PSMD11: variants seen among roughly 807,000 people sequenced by gnomAD.
The protein encoded by PSMD11 is proteasome 26S subunit, non-ATPase 11.
In PSMD11, 5 loss-of-function variants were observed where a neutral mutation model predicts 62.3. The ratio of observed to expected loss-of-function variants is 0.08; its 90% confidence interval spans 0.04 to 0.17. PSMD11 has a LOEUF of 0.17. PSMD11 is among the 10% of genes least tolerant of loss of function. The probability of loss-of-function intolerance (pLI) is 1.00; values close to 1 mark genes in which losing one functional copy is unlikely to be tolerated. For missense variants in PSMD11, 310 were observed against 512.9 expected, an observed-to-expected ratio of 0.60 and a Z score of 3.82; for synonymous variants, 191 against 191.8, an observed-to-expected ratio of 1.00 and a Z score of 0.03.
intron 6 of PSMD11, among the ~76,000 whole-genome samples, chr17:32,470,374 G>A (rs912341829): frequency 4.0e-5 from 6 of 151,422 alleles, no homozygotes; most frequent in East Asian, 1.9e-4. Flanking sequence ...ATGCAGTGGC[G>A]CAATCTTGGC....
intron 9 of PSMD11, 151 bp downstream of exon 9, chr17:32,477,734 A>C (rs1908370764): frequency 1.9e-6 from 1 of 523,356 alleles, no homozygotes; most frequent in Non-Finnish European, 3.2e-6. Context: ...AAAACCAGGA[A>C]ATAGTTAAGC....
At chr17:32,458,589 C>T (rs115597271) in intron 3 of PSMD11, among the ~76,000 whole-genome samples, 140 of 152,322 alleles carry the variant, frequency 9.2e-4, no homozygotes, top group African/African-American at 3.3e-3. Context: ...GCCTTGTCTC[C>T]TTTACTGTAA....
intron 8 of PSMD11, chr17:32,477,016 G>A (rs1908346718): frequency 3.9e-5 from 6 of 152,590 alleles, no homozygotes; most frequent in Admixed American, 3.9e-4. Context: ...GCCTCCCAAA[G>A]TGGTGGGATT....
At chr17:32,477,391 G>GTCT in intron 8 of PSMD11, 130 bp from the exon 9 acceptor site, 1 of 682,632 alleles carries the variant, frequency 1.5e-6, no homozygotes, top group African/African-American at 1.8e-5. Context: ...GGCGTCTGAA[G>GTCT]AAGAACGATG....
At chr17:32,467,153 C>T (rs1908015055) in intron 5 of PSMD11, among the ~76,000 whole-genome samples, 4 of 151,896 alleles carry the variant, frequency 2.6e-5, no homozygotes, top group Admixed American at 2.6e-4. Flanking sequence ...CCATGTTGGC[C>T]AGCCTGGTCT....
intron 3 of PSMD11, among the ~76,000 whole-genome samples, chr17:32,456,996 T>C (rs1452166476): frequency 6.6e-6 from 1 of 152,200 alleles, no homozygotes; most frequent in Non-Finnish European, 1.5e-5. Context: ...TTTCTCCTGT[T>C]CCTTTGTGGA....
chr17:32,480,700 C>T (rs545973703), intron 13 of PSMD11, 53 bp from the exon 14 acceptor site: 4 of 1,549,876 alleles, frequency 2.6e-6, no homozygotes, highest in African/African-American at 1.4e-5. Flanking sequence ...TGAAAACCTC[C>T]TCCTGGTGTC....
intron 6 of PSMD11, among the ~76,000 whole-genome samples, chr17:32,472,643 T>G (rs1387441495): frequency 1.3e-5 from 2 of 151,832 alleles, no homozygotes; most frequent in Non-Finnish European, 2.9e-5. Context: ...GTTCAAGAGA[T>G]TCTCCTGCCT....
chr17:32,474,786 G>T lies in PSMD11; in HGVS notation c.811G>T (p.Val271Leu), dbSNP rs1401419578. ...TAGCCCAGAAGATGTCCAGGCTTTG[G>T]TGAGCGGGAAGCTTGCACTTCGGTA... Reference protein sequence around the residue: ...LNTPEDVQALVSGKLALRYAG... With the variant: ...LNTPEDVQALLSGKLALRYAG... Residue 271 changes from valine (V) to leucine (L), a missense_variant, in exon 8 of 14, where the codon GTG (valine) becomes TTG (leucine). This residue lies in a region of PSMD11 where 135 missense variants were observed against 195.4 expected (regional missense o/e 0.69). Coordinates refer to ENST00000261712, the MANE Select transcript of PSMD11 (RefSeq NM_002815.4). 1 of 1,614,142 alleles carries T rather than the reference G, an allele frequency of 6.2e-7. No homozygotes were observed. Among genetic ancestry groups the T allele is most frequent in the Non-Finnish European group, 8.5e-7 (1 of 1,179,994 alleles).
chr17:32,460,799 G>T (rs1056962620), intron 3 of PSMD11, among the ~76,000 whole-genome samples: 2 of 151,612 alleles, frequency 1.3e-5, no homozygotes, highest in African/African-American at 4.8e-5. Flanking sequence ...ACCATCTTCA[G>T]CTTGCTATTC....
Position 32,479,237 on chromosome 17 carries a change from G to T in PSMD11, c.913-14G>T. The T allele has an allele frequency of 1.2e-6, 2 of 1,613,362 alleles. No homozygotes were observed. Among genetic ancestry groups the T allele is most frequent in the South Asian group, 2.2e-5 (2 of 91,010 alleles). On this transcript the variant is annotated splice_polypyrimidine_tract_variant and intron_variant, in intron 9 of 13. Transcript: ENST00000261712. ...ATTCTCTGTGCCAATCTCTGCAACTGGTTCCTTTGGCAGGCTCTGACAGAT... is the reference window on the plus strand; with the variant it reads ...ATTCTCTGTGCCAATCTCTGCAACTTGTTCCTTTGGCAGGCTCTGACAGAT...
intron 3 of PSMD11, among the ~76,000 whole-genome samples, chr17:32,462,747 TG>T (rs1338631733): frequency 1.1e-4 from 16 of 152,224 alleles, no homozygotes; most frequent in Admixed American, 9.2e-4. Context: ...AGTGCAATGG[TG>T]CGATCTCGGC....
In PSMD11 at chr17:32,480,647, A is replaced by G; in HGVS notation, c.*16A>G. 9.9e-6 allele frequency: 16 copies of G among 1,613,914 alleles called. No homozygotes were observed. Among genetic ancestry groups the G allele is most frequent in the Non-Finnish European group, 1.3e-5 (15 of 1,179,834 alleles). On this transcript the variant is annotated intron_variant, in intron 13 of 13. Coordinates refer to ENST00000261712, the MANE Select transcript of PSMD11 (RefSeq NM_002815.4). The stretch of plus-strand genomic sequence containing the variant: ...ACTGACATAGGTGAGTGCTGGCTTC[A>G]GGACCCCAGGGCTGGGCAGCTCTGT...
intron 8 of PSMD11, among the ~76,000 whole-genome samples, chr17:32,476,329 C>G (rs962873126): frequency 6.6e-6 from 1 of 152,146 alleles, no homozygotes; most frequent in Non-Finnish European, 1.5e-5. Flanking sequence ...GAGACAGGCT[C>G]AGGGACATCC....
In PSMD11 at chr17:32,444,528, C is replaced by G; in HGVS notation, c.5C>G (p.Ala2Gly). 6.3e-7 allele frequency: 1 copy of G among 1,593,066 alleles called. No individual in the cohort carries two copies. The highest frequency in any genetic ancestry group is 8.5e-7 in the Non-Finnish European group (1 of 1,169,986). Residue 2 changes from alanine to glycine, a missense_variant, in exon 1 of 14, where the codon GCG becomes GGG. Physicochemically the swap from Ala to Gly is moderately conservative, Grantham distance 60. This residue lies in a region of PSMD11 where 28 missense variants were observed against 21.2 expected (regional missense o/e 1.32). Coordinates refer to ENST00000261712, the MANE Select transcript of PSMD11 (RefSeq NM_002815.4). M[A>G]AAAVVEFQRA... ...GGACGGTGTGAGAGCGGTAAGATGG[C>G]GGCGGCGGCGGTGGTGGAGTTCCAG...
intron 3 of PSMD11, among the ~76,000 whole-genome samples, chr17:32,455,835 A>T (rs1033240941): frequency 3.3e-5 from 5 of 152,262 alleles, no homozygotes; most frequent in Admixed American, 2.6e-4. Context: ...AACTTTTTTT[A>T]AAAATTGTAC....
chr17:32,475,841 C>T (rs541950110), intron 8 of PSMD11, among the ~76,000 whole-genome samples: 1 of 152,046 alleles, frequency 6.6e-6, no homozygotes, highest in Admixed American at 6.5e-5. Flanking sequence ...GATCCGCCCA[C>T]CTCAACCTCC....
intron 1 of PSMD11, chr17:32,444,956 G>A (rs2150826730): frequency 2.6e-6 from 1 of 392,044 alleles, no homozygotes; most frequent in Non-Finnish European, 4.6e-6. Flanking sequence ...CCGGAGCAGT[G>A]CCGGCCGGCG....
At chr17:32,446,827 A>C in intron 1 of PSMD11, 118 bp from the exon 2 acceptor site, 1 of 406,944 alleles carries the variant, frequency 2.5e-6, no homozygotes, top group South Asian at 5.4e-5. Flanking sequence ...TTTTAACTCT[A>C]GAATTTGTCT....
Sources: gnomAD v4.1 joint callset for allele counts (sites outside exome capture counted in the v4.1 genomes callset) on GRCh38, gnomAD v4.1.1 for gene constraint, gnomAD v4.1.1 regional missense constraint, MANE v1.5 for transcripts, NCBI Gene and HGNC (gene_info 2026-07-23, HGNC 2026-07-21) for gene names.